Variants in SEMA6A observed in about 807,000 individuals in gnomAD.
The protein encoded by SEMA6A is semaphorin 6A, also known as semaphorin-6A.
In SEMA6A, 25 loss-of-function variants were observed where a neutral mutation model predicts 96.8. The ratio of observed to expected loss-of-function variants is 0.26; its 90% CI spans 0.19 to 0.36. SEMA6A has a LOEUF of 0.36. Ranked by LOEUF, SEMA6A falls within the 10% of genes least tolerant of loss-of-function variation. The pLI, the probability that SEMA6A is intolerant of heterozygous loss-of-function variation, is 1.00. For missense variants in SEMA6A, 1,363 were observed against 1,323.1 expected (o/e 1.03, Z -0.47); for synonymous variants, 612 against 518.0 (o/e 1.18, Z -2.46).
At chr5:116,508,151 C>T (rs140116417) in intron 1 of SEMA6A, 13 of 152,240 alleles carry the variant, frequency 8.5e-5, no homozygotes, top group African/African-American at 3.1e-4. Context: ...GGGCAGGAAA[C>T]CAGCTTTCAG....
At chr5:116,457,194 C>T (rs184941097) in intron 18 of SEMA6A, among the ~76,000 whole-genome samples, 72 of 152,254 alleles carry the variant, frequency 4.7e-4, no homozygotes, top group African/African-American at 1.7e-3. Flanking sequence ...GACCCATCAG[C>T]ACTTAGGGTA....
chr5:116,491,104 G>C (rs1757303775), intron 7 of SEMA6A, among the ~76,000 whole-genome samples: 1 of 152,154 alleles, frequency 6.6e-6, no homozygotes, highest in Admixed American at 6.5e-5. Context: ...ACCTAATCAG[G>C]TCAATGATAT....
At position 116,547,215 on chromosome 5, in the gene SEMA6A, C is replaced by T. The variant is rs546854818; in HGVS notation, c.-39+26970G>A. ...AGTAAATGCTAGGTAGTACTGTGGA[C>T]ATGCATACAAGTGTCCTGAAGAGGT... On this transcript the variant is annotated intron_variant, in intron 1 of 18. Transcript: ENST00000343348. Among the ~76,000 whole-genome samples the T allele has an allele frequency of 9.2e-5, 14 of 152,276 alleles. No homozygotes were observed. In the South Asian group the frequency reaches 2.9e-3, roughly 32 times the overall value.
chr5:116,560,910 T>C (rs1760796521), intron 1 of SEMA6A, among the ~76,000 whole-genome samples: 1 of 152,214 alleles, frequency 6.6e-6, no homozygotes, highest in African/African-American at 2.4e-5. Context: ...AAGCTACTTC[T>C]AAACTTGTTC....
Position 116,446,787 on chromosome 5 carries a change from G to A in SEMA6A, c.2919C>T (p.Ser973=). Residue 973 remains serine (S), a synonymous_variant, in exon 19 of 19, where the codon AGC becomes AGT. Transcript: ENST00000343348. ...TCACGGCCTGGCCAGATGGCTGGGA[G>A]CTGTGCACCTGGATGGAGTCCACCC... The part of the protein sequence containing the change: ...PQRVDSIQVH[S]SQPSGQAVTV... 1 of 1,612,598 alleles carries A rather than the reference G, an allele frequency of 6.2e-7. No homozygotes were observed. The highest frequency in any genetic ancestry group is 8.5e-7 in the Non-Finnish European group (1 of 1,179,288).
rs201032679 is a variant in SEMA6A at position 116,469,052 on chromosome 5, T to C, written c.1730-1305A>G. ...AACATATATAACAAAGATAGCTTTT[T>C]ATCTTCTTAAAACTTTGATTAGCAG... On this transcript the variant is annotated intron_variant, in intron 17 of 18. Transcript: ENST00000343348. 9.2e-5 allele frequency: 14 copies of C among 152,336 alleles called. No homozygotes were observed. In the East Asian group the frequency reaches 2.7e-3, roughly 29 times the overall value. 9.4% of individuals were successfully genotyped at this position (152,336 alleles called of 1,614,324 possible).
At chr5:116,454,594 C>G (rs1216088360) in intron 18 of SEMA6A, among the ~76,000 whole-genome samples, 2 of 152,216 alleles carry the variant, frequency 1.3e-5, no homozygotes, top group African/African-American at 4.8e-5. Context: ...AATTTATTCT[C>G]AAAGCCACAC....
At chr5:116,503,659 A>C (rs1443363203) in intron 2 of SEMA6A, among the ~76,000 whole-genome samples, 1 of 151,832 alleles carries the variant, frequency 6.6e-6, no homozygotes, top group African/African-American at 2.4e-5. Context: ...ACAGGCATGC[A>C]CCACCATGCC....
intron 18 of SEMA6A, among the ~76,000 whole-genome samples, chr5:116,453,271 C>A (rs1004664906): frequency 1.6e-4 from 24 of 152,192 alleles, no homozygotes; most frequent in African/African-American, 5.8e-4. Flanking sequence ...TTTTCCCACT[C>A]ATCAGACCCT....
intron 1 of SEMA6A, among the ~76,000 whole-genome samples, chr5:116,521,514 A>G (rs6897908): frequency 0.038 from 5,781 of 152,254 alleles, 370 homozygotes; most frequent in African/African-American, 0.13. Flanking sequence ...CAGACAAGTC[A>G]TGGGTGGGGA....
At chr5:116,481,032 AGATTG>A (rs1756735613) in intron 11 of SEMA6A, among the ~76,000 whole-genome samples, 1 of 152,090 alleles carries the variant, frequency 6.6e-6, no homozygotes, top group Non-Finnish European at 1.5e-5. Flanking sequence ...GCAGAAGAGG[AGATTG>A]GACCCTCACG....
At chr5:116,489,052 G>C in intron 7 of SEMA6A, 45 bp from the exon 8 acceptor site, 1 of 1,526,134 alleles carries the variant, frequency 6.6e-7, no homozygotes, top group Non-Finnish European at 8.8e-7. Flanking sequence ...GAGCAAGTCA[G>C]TGGGGGTGGA....
chr5:116,562,867 T>C (rs1760875244), intron 1 of SEMA6A: 1 of 638,566 alleles, frequency 1.6e-6, no homozygotes, highest in Non-Finnish European at 3.0e-6. Flanking sequence ...CAGGAGGAAA[T>C]AGGACAAAGA....
chr5:116,478,307 C>G, intron 13 of SEMA6A, 153 bp from the exon 14 acceptor site: 1 of 853,746 alleles, frequency 1.2e-6, no homozygotes, highest in Non-Finnish European at 1.8e-6. Context: ...CACGTAAACA[C>G]ACACATGTAT....
chr5:116,508,182 A>G (rs1758238237), intron 1 of SEMA6A: 1 of 152,210 alleles, frequency 6.6e-6, no homozygotes, highest in Non-Finnish European at 1.5e-5. Flanking sequence ...TTGAAGACGA[A>G]ACAAAGGAGA....
intron 1 of SEMA6A, among the ~76,000 whole-genome samples, chr5:116,511,667 T>C (rs1481532365): frequency 1.3e-5 from 2 of 152,314 alleles, no homozygotes; most frequent in Non-Finnish European, 2.9e-5. Flanking sequence ...CTCCCAAACA[T>C]GTAGGCATGC....
chr5:116,531,233 G>T (rs1240692391), intron 1 of SEMA6A, among the ~76,000 whole-genome samples: 1 of 152,168 alleles, frequency 6.6e-6, no homozygotes, highest in Admixed American at 6.5e-5. Flanking sequence ...GTAGAGAAAA[G>T]GGGTCAATAA....
At chr5:116,492,407 A>G (rs1225568309) in intron 6 of SEMA6A, 1 of 152,264 alleles carries the variant, frequency 6.6e-6, no homozygotes, top group Non-Finnish European at 1.5e-5. Flanking sequence ...GGCAAAAGCC[A>G]TGGTGACTTC....
At position 116,447,786 on chromosome 5, in the gene SEMA6A, T is replaced by C. The variant is rs1354356304; in HGVS notation, c.1920A>G (p.Lys640=). ...KKGVIRESYL[K]GHDQLVPVTL... is the part of the protein sequence containing the mutation. ...TGACGGGAACCAGCTGGTCGTGGCC[T>C]TTGAGGTAACTTTCCCGAATCACTC... is the stretch of plus-strand genomic sequence containing the variant. The change falls in exon 19 of 19, where the codon AAA becomes AAG. Residue 640 remains lysine (K), a synonymous_variant. Transcript: ENST00000343348. The C allele has an allele frequency of 6.2e-7, 1 of 1,602,072 alleles. No homozygotes were observed. The highest frequency in any genetic ancestry group is 1.7e-5 in the Admixed American group (1 of 59,470).
Sources: allele counts gnomAD v4.1 joint callset (sites outside exome capture counted in the v4.1 genomes callset), GRCh38; gene constraint gnomAD v4.1.1; transcripts MANE v1.5; gene names NCBI Gene and HGNC (gene_info 2026-07-23, HGNC 2026-07-21).